The following CES5A variants were observed in gnomAD, a reference collection of about 807,000 sequenced individuals.
CES5A encodes carboxylesterase 5A, also known as carboxylesterase 5.
In CES5A, 67 loss-of-function variants were observed where a neutral mutation model predicts 62.9. The observed-to-expected ratio is 1.07, with a 90% CI of 0.88 to 1.31. CES5A has a LOEUF of 1.31. Among genes scored for constraint, CES5A ranks in the 50% most tolerant of loss-of-function variants. The probability of loss-of-function intolerance (pLI) is 0.00; values close to 1 mark genes in which losing one functional copy is unlikely to be tolerated. For synonymous variants in CES5A, 296 were observed against 280.8 expected (o/e 1.05, Z -0.54); for missense variants, 748 against 708.5 (o/e 1.06, Z -0.63).
At chr16:55,915,938 G>C (rs1260234152) in intron 1 of CES5A, among the ~76,000 whole-genome samples, 1 of 152,190 alleles carries the variant, frequency 6.6e-6, no homozygotes, top group Non-Finnish European at 1.5e-5. Flanking sequence ...GGTTCTTCTT[G>C]CTCACCACAC....
At chr16:55,879,552 C>T (rs1370602268), upstream of CES5A, among the ~76,000 whole-genome samples, 1 of 152,152 alleles carries the variant, frequency 6.6e-6, no homozygotes, top group Non-Finnish European at 1.5e-5. Flanking sequence ...GCACCCCCAT[C>T]ACTATATCCA....
intron 4 of CES5A, among the ~76,000 whole-genome samples, chr16:55,867,328 T>G (rs2033485193): frequency 6.6e-6 from 1 of 152,232 alleles, no homozygotes; most frequent in Non-Finnish European, 1.5e-5. Flanking sequence ...ACCCCCATGC[T>G]GCTGCCCCTG....
intron 1 of CES5A, among the ~76,000 whole-genome samples, chr16:55,884,932 C>G (rs2033799503): frequency 6.6e-6 from 1 of 152,136 alleles, no homozygotes; most frequent in Non-Finnish European, 1.5e-5. Context: ...CTCCTTTCGC[C>G]AGCACATTTG....
At chr16:55,877,106 A>G (rs1434923729), upstream of CES5A, among the ~76,000 whole-genome samples, 2 of 152,180 alleles carry the variant, frequency 1.3e-5, no homozygotes, top group Non-Finnish European at 2.9e-5. Context: ...GGAGACCACA[A>G]CAACGCAAGG....
intron 4 of CES5A, among the ~76,000 whole-genome samples, chr16:55,866,658 T>TAA (rs369679801): frequency 0.11 from 9,138 of 82,682 alleles, 834 homozygotes; most frequent in African/African-American, 0.21. Context: ...CTGTCTCTGC[T>TAA]AAAAAAAAAA....
chr16:55,911,781 GA>G (rs2034095711), intron 1 of CES5A, among the ~76,000 whole-genome samples: 1 of 152,180 alleles, frequency 6.6e-6, no homozygotes, highest in Non-Finnish European at 1.5e-5. Flanking sequence ...GCAAAACGCA[GA>G]ACTGGGCCAG....
chr16:55,883,425 C>T (rs1471166688), intron 1 of CES5A, among the ~76,000 whole-genome samples: 3 of 152,120 alleles, frequency 2.0e-5, no homozygotes, highest in African/African-American at 7.2e-5. Flanking sequence ...GCATGCACCA[C>T]CACACCCAGC....
At chr16:55,885,381 T>C (rs1386438375) in intron 1 of CES5A, among the ~76,000 whole-genome samples, 1 of 152,152 alleles carries the variant, frequency 6.6e-6, no homozygotes, top group Admixed American at 6.5e-5. Flanking sequence ...GGATTAAACG[T>C]GCAAAGGAGC....
intron 1 of CES5A, among the ~76,000 whole-genome samples, chr16:55,898,570 T>G (rs1347763834): frequency 1.3e-5 from 2 of 152,192 alleles, no homozygotes; most frequent in African/African-American, 4.8e-5. Context: ...GTGGAATGAA[T>G]GAACAGCCCC....
intron 2 of CES5A, among the ~76,000 whole-genome samples, chr16:55,933,973 G>A (rs951855660): frequency 3.9e-5 from 6 of 152,062 alleles, no homozygotes; most frequent in African/African-American, 1.4e-4. Context: ...CCTTCTTGCT[G>A]TTCCTCCAAT....
rs530926642 is a variant in CES5A, at chr16:55,884,310, G to A, written c.-255-10273C>T. Among the ~76,000 whole-genome samples the A allele has an allele frequency of 5.3e-5, 8 of 152,288 alleles. No individual in the cohort carries two copies. In the East Asian group the frequency reaches 9.7e-4, roughly 18 times the overall value. Reference sequence around the variant, plus strand: ...ATGCATGTGAAGCAGCACCTCTGTCGACAGTCTGTCTGTGTTCCCCTATAG... The same window carrying A: ...ATGCATGTGAAGCAGCACCTCTGTCAACAGTCTGTCTGTGTTCCCCTATAG... On this transcript the variant is annotated intron_variant, in intron 1 of 12. Transcript: ENST00000518005.
chr16:55,937,385 G>A (rs2034387762), intron 2 of CES5A, among the ~76,000 whole-genome samples: 1 of 152,222 alleles, frequency 6.6e-6, no homozygotes, highest in African/African-American at 2.4e-5. Context: ...CCTTGTTGAT[G>A]ATAAAGCAGT....
chr16:55,933,747 A>G (rs1169260988), intron 2 of CES5A, among the ~76,000 whole-genome samples: 1 of 152,136 alleles, frequency 6.6e-6, no homozygotes, highest in Non-Finnish European at 1.5e-5. Flanking sequence ...AGCCACCACC[A>G]TCTCTCACCT....
chr16:55,850,507 C>T (rs2142382993), intron 10 of CES5A, among the ~76,000 whole-genome samples: 1 of 152,316 alleles, frequency 6.6e-6, no homozygotes, highest in African/African-American at 2.4e-5. Flanking sequence ...ACTTCTTTCA[C>T]TTAGCAAAAT....
At chr16:55,937,373 A>G (rs1270992117) in intron 2 of CES5A, among the ~76,000 whole-genome samples, 1 of 152,100 alleles carries the variant, frequency 6.6e-6, no homozygotes, top group Non-Finnish European at 1.5e-5. Flanking sequence ...CTCAGCACCA[A>G]CCCTTGTTGA....
At chr16:55,875,376 T>C (rs1437106527), upstream of CES5A, 3 of 1,427,898 alleles carry the variant, frequency 2.1e-6, no homozygotes, top group Non-Finnish European at 2.7e-6. Context: ...AGAACAATAT[T>C]CTCAAAGGAA....
At chr16:55,927,910 G>C (rs916760677), upstream of CES5A, among the ~76,000 whole-genome samples, 1 of 152,116 alleles carries the variant, frequency 6.6e-6, no homozygotes, top group African/African-American at 2.4e-5. Flanking sequence ...AAAAAATATG[G>C]TATACATATA....
chr16:55,911,232 C>T (rs1233682439), intron 1 of CES5A, among the ~76,000 whole-genome samples: 2 of 152,122 alleles, frequency 1.3e-5, no homozygotes, highest in Non-Finnish European at 2.9e-5. Flanking sequence ...ATCTGTGCTC[C>T]CGCTTACAGA....
upstream of CES5A, among the ~76,000 whole-genome samples, chr16:55,878,593 C>CCCCCACCACTGCACCCCATCACTGCA (rs2033723207): frequency 7.3e-6 from 1 of 137,134 alleles, no homozygotes; most frequent in Non-Finnish European, 1.6e-5. Flanking sequence ...CCCACCACTA[C>CCCCCACCACTGCACCCCATCACTGCA]CCCCACCACT....
Sources: allele counts gnomAD v4.1 joint callset (sites outside exome capture counted in the v4.1 genomes callset), GRCh38; gene constraint gnomAD v4.1.1; transcripts MANE v1.5; gene names NCBI Gene and HGNC (gene_info 2026-07-23, HGNC 2026-07-21).